The following CKAP5 variants were observed in gnomAD, a reference collection of about 807,000 sequenced individuals.
CKAP5 encodes the protein cytoskeleton-associated protein 5.
A neutral mutation model predicts 232.8 loss-of-function variants in CKAP5; 27 were observed. The ratio of observed to expected loss-of-function variants is 0.12; its 90% CI spans 0.09 to 0.16. The LOEUF (loss-of-function observed/expected upper bound fraction) is 0.16. Among genes scored for constraint, CKAP5 ranks in the 10% least tolerant of loss-of-function variants. The probability of loss-of-function intolerance (pLI) is 1.00; values close to 1 mark genes in which losing one functional copy is unlikely to be tolerated. For missense variants in CKAP5, 1,838 were observed against 2,424.7 expected (o/e 0.76, Z 5.08); for synonymous variants, 785 against 841.1 (o/e 0.93, Z 1.16).
rs554951363 is a variant in CKAP5 at position 46,826,845 on chromosome 11, A to G, written c.-37-5577T>C. 3.2e-5 allele frequency: 5 copies of G among 155,734 alleles called. No individual in the cohort carries two copies. In the South Asian group the frequency reaches 5.2e-4, roughly 16 times the overall value. 9.6% of individuals were successfully genotyped at this position (155,734 alleles called of 1,614,324 possible). On this transcript the variant is annotated intron_variant, in intron 1 of 43. Coordinates refer to ENST00000529230, the MANE Select transcript of CKAP5 (RefSeq NM_001008938.4). ...CCCGGCAGGCGGCGGCGGCGGCGGC[A>G]GCAGCATTGGTGCTGCGGTCCGCTG... is the stretch of plus-strand genomic sequence containing the variant.
chr11:46,827,755 T>C (rs1463817723), intron 1 of CKAP5, among the ~76,000 whole-genome samples: 4 of 152,238 alleles, frequency 2.6e-5, no homozygotes, highest in East Asian at 1.9e-4. Flanking sequence ...ACAATTGTAA[T>C]GTGCAATCAT....
intron 9 of CKAP5, 71 bp from the exon 10 acceptor site, chr11:46,798,243 T>C: frequency 1.9e-6 from 2 of 1,074,838 alleles, no homozygotes; most frequent in East Asian, 4.7e-5. Context: ...TCCTAGAACA[T>C]GGCTGAACCT....
chr11:46,816,912 G>C (rs924824596), intron 3 of CKAP5, among the ~76,000 whole-genome samples: 1 of 151,200 alleles, frequency 6.6e-6, no homozygotes, highest in Admixed American at 6.6e-5. Context: ...TTCAAGACCA[G>C]CCTGACCAAA....
At chr11:46,765,010 T>C (rs2065189729) in intron 28 of CKAP5, 121 bp downstream of exon 28, 2 of 904,760 alleles carry the variant, frequency 2.2e-6, no homozygotes, top group Admixed American at 5.5e-5. Context: ...TAATATAATT[T>C]ATAAGCAAAA....
chr11:46,792,881 G>A (rs567907487), intron 13 of CKAP5, among the ~76,000 whole-genome samples: 33 of 152,258 alleles, frequency 2.2e-4, no homozygotes, highest in Non-Finnish European at 1.5e-5. Flanking sequence ...TGAGAAAGGA[G>A]AAAATAGCTG....
intron 1 of CKAP5, among the ~76,000 whole-genome samples, chr11:46,822,520 G>A (rs922350451): frequency 1.7e-4 from 26 of 152,008 alleles, no homozygotes; most frequent in African/African-American, 6.0e-4. Context: ...CTGGGAGGCC[G>A]AGCCGGGCGG....
At position 46,778,122 on chromosome 11, in the gene CKAP5, C is replaced by T. The variant is rs776091787; in HGVS notation, c.2748+17G>A. The T allele has an allele frequency of 1.2e-6, 2 of 1,606,668 alleles. No homozygotes were observed. The highest frequency in any genetic ancestry group is 1.3e-5 in the African/African-American group (1 of 74,738). The stretch of plus-strand genomic sequence containing the variant: ...TGGGGAGGGGAGATAAAAAGAACAG[C>T]CGTATGCTCTACATACCAAGATTTT... On this transcript the variant is annotated intron_variant, in intron 22 of 43. Transcript: ENST00000529230.
chr11:46,772,244 G>C (rs1357835399), intron 24 of CKAP5, among the ~76,000 whole-genome samples: 2 of 151,842 alleles, frequency 1.3e-5, no homozygotes, highest in Admixed American at 6.6e-5. Flanking sequence ...AATCTTTTCT[G>C]TTGTTCTGTA....
chr11:46,781,969 G>A (rs1242240978), intron 18 of CKAP5, among the ~76,000 whole-genome samples: 1 of 152,090 alleles, frequency 6.6e-6, no homozygotes, highest in Non-Finnish European at 1.5e-5. Context: ...GGGATTACAG[G>A]CGTACACCAC....
intron 4 of CKAP5, among the ~76,000 whole-genome samples, chr11:46,814,631 G>A (rs1366043316): frequency 6.6e-6 from 1 of 152,152 alleles, no homozygotes; most frequent in African/African-American, 2.4e-5. Context: ...TAGAAGAACT[G>A]CCAAGTCTGA....
At chr11:46,785,129 C>T (rs1178459803) in intron 16 of CKAP5, among the ~76,000 whole-genome samples, 2 of 152,214 alleles carry the variant, frequency 1.3e-5, no homozygotes, top group East Asian at 3.9e-4. Context: ...TTTTAGAGAA[C>T]TTGTTGGCTT....
At chr11:46,755,209 A>T (rs1414254964) in intron 35 of CKAP5, 142 bp from the exon 36 acceptor site, 1 of 619,730 alleles carries the variant, frequency 1.6e-6, no homozygotes, top group African/African-American at 1.9e-5. Flanking sequence ...CCATTTACTT[A>T]TTTATTTTAT....
At chr11:46,772,476 T>G (rs2065255723) in intron 24 of CKAP5, among the ~76,000 whole-genome samples, 1 of 152,100 alleles carries the variant, frequency 6.6e-6, no homozygotes, top group Non-Finnish European at 1.5e-5. Context: ...GACAGTGAGG[T>G]TTAGGGTGAG....
rs771541647 is a variant in CKAP5 at position 46,759,488 on chromosome 11, A to T, written c.4395-46T>A. ...CTCCTGAACTAAAAGAGACTTCTTA[A>T]CCAAAGGGCAAGAGTAGCACTGTCA... On this transcript the variant is annotated intron_variant, in intron 33 of 43. Coordinates refer to ENST00000529230, the MANE Select transcript of CKAP5 (RefSeq NM_001008938.4). 9 of 1,566,164 alleles carry T rather than the reference A, an allele frequency of 5.7e-6. No individual in the cohort carries two copies. In the East Asian group the frequency reaches 2.0e-4, roughly 35 times the overall value.
chr11:46,806,953 G>T (rs1173280362), intron 8 of CKAP5, among the ~76,000 whole-genome samples: 1 of 152,100 alleles, frequency 6.6e-6, no homozygotes, highest in African/African-American at 2.4e-5. Context: ...TTGCATTTTT[G>T]TGTTTTTTGT....
intron 25 of CKAP5, among the ~76,000 whole-genome samples, chr11:46,770,447 T>A (rs1041661438): frequency 2.0e-5 from 3 of 152,236 alleles, no homozygotes; most frequent in African/African-American, 7.2e-5. Flanking sequence ...ATATATATTT[T>A]TAAGACAGAG....
In CKAP5 at chr11:46,798,083, A is replaced by C. The variant is rs1271421676; in HGVS notation, c.1173T>G (p.Thr391=). The C allele has an allele frequency of 6.2e-7, 1 of 1,613,358 alleles. No homozygotes were observed. Residue 391 remains threonine, a splice_region_variant and synonymous_variant, in exon 10 of 44, where the codon ACT becomes ACG. Coordinates refer to ENST00000529230, the MANE Select transcript of CKAP5 (RefSeq NM_001008938.4). ...CTACAAACTCATGCTGTCAACTTAC[A>C]GTAAGGAAGATTGCATCAATTGCCT... ...LQEAIDAIFL[T]TTLQNISEDV...
At chr11:46,780,538 C>T in intron 18 of CKAP5, 53 bp from the exon 19 acceptor site, 1 of 1,504,062 alleles carries the variant, frequency 6.6e-7, no homozygotes, top group Non-Finnish European at 9.2e-7. Flanking sequence ...TCAAAATACT[C>T]AATAACGTTT....
At chr11:46,754,810 C>T in intron 36 of CKAP5, 78 bp downstream of exon 36, 1 of 1,262,580 alleles carries the variant, frequency 7.9e-7, no homozygotes, top group Non-Finnish European at 1.1e-6. Context: ...ACTGCAACAT[C>T]TGCATGGACT....
Sources: allele counts gnomAD v4.1 joint callset (sites outside exome capture counted in the v4.1 genomes callset), GRCh38; gene constraint gnomAD v4.1.1; transcripts MANE v1.5; gene names NCBI Gene and HGNC (gene_info 2026-07-23, HGNC 2026-07-21).